SCAPER: variants seen among roughly 807,000 people sequenced by gnomAD.
SCAPER encodes S phase cyclin A-associated protein in the endoplasmic reticulum.
SCAPER carries 98 observed loss-of-function variants against 182.2 expected under a neutral mutation model. That is an observed-to-expected ratio of 0.54 (90% CI 0.46 to 0.64). SCAPER has a LOEUF of 0.64. Among genes scored for constraint, SCAPER ranks in the 30% least tolerant of loss-of-function variants. The pLI, the probability that SCAPER is intolerant of heterozygous loss-of-function variation, is 0.00. For missense variants in SCAPER, 1,432 were observed against 1,690.0 expected, an observed-to-expected ratio of 0.85 and a Z score of 2.68; for synonymous variants, 605 against 564.6, an observed-to-expected ratio of 1.07 and a Z score of -1.01.
intron 17 of SCAPER, among the ~76,000 whole-genome samples, chr15:76,711,293 AG>A (rs934311883): frequency 3.4e-4 from 52 of 152,312 alleles, no homozygotes; most frequent in African/African-American, 1.2e-3. Flanking sequence ...CACTTCACAA[AG>A]AATGTATATC....
intron 29 of SCAPER, among the ~76,000 whole-genome samples, chr15:76,375,279 T>C (rs2042475606): frequency 6.6e-6 from 1 of 151,812 alleles, no homozygotes; most frequent in African/African-American, 2.4e-5. Flanking sequence ...ATCTTTTTTT[T>C]TTTTAAATCT....
intron 14 of SCAPER, among the ~76,000 whole-genome samples, chr15:76,763,158 A>G (rs1323518640): frequency 6.6e-6 from 1 of 152,178 alleles, no homozygotes; most frequent in Non-Finnish European, 1.5e-5. Flanking sequence ...AGTGATGACA[A>G]ACTCCCTCAA....
At chr15:76,377,911 AACTC>A (rs1356974083) in intron 28 of SCAPER, among the ~76,000 whole-genome samples, 2 of 152,200 alleles carry the variant, frequency 1.3e-5, no homozygotes, top group Non-Finnish European at 2.9e-5. Context: ...TCTTTTCAGA[AACTC>A]AGTCAGTTCA....
At chr15:76,751,970 A>G (rs2062111882) in intron 15 of SCAPER, among the ~76,000 whole-genome samples, 1 of 151,792 alleles carries the variant, frequency 6.6e-6, no homozygotes, top group South Asian at 2.1e-4. Flanking sequence ...AAACGTTTGC[A>G]AATCATATCT....
At chr15:76,744,788 A>G (rs2061710243) in intron 15 of SCAPER, among the ~76,000 whole-genome samples, 1 of 152,182 alleles carries the variant, frequency 6.6e-6, no homozygotes, top group African/African-American at 2.4e-5. Context: ...CTGGGGATAT[A>G]CCCATTGGAA....
At chr15:76,648,290 G>T (rs1191269769) in intron 21 of SCAPER, among the ~76,000 whole-genome samples, 1 of 151,530 alleles carries the variant, frequency 6.6e-6, no homozygotes, top group Non-Finnish European at 1.5e-5. Flanking sequence ...AAACGTCACT[G>T]GATGATTTTA....
chr15:76,818,281 T>G (rs895354027), intron 5 of SCAPER, among the ~76,000 whole-genome samples: 1 of 152,096 alleles, frequency 6.6e-6, no homozygotes, highest in Admixed American at 6.6e-5. Context: ...ACTTATAATC[T>G]TCACAAAAAT....
intron 5 of SCAPER, among the ~76,000 whole-genome samples, chr15:76,814,385 C>T (rs934418541): frequency 3.3e-5 from 5 of 152,120 alleles, no homozygotes. Context: ...GTAATCTAAA[C>T]TGTAATGACA....
At position 76,763,742 on chromosome 15, in the gene SCAPER, C is replaced by T. The variant is rs548573102; in HGVS notation, c.1725+1219G>A. On this transcript the variant is annotated intron_variant, in intron 14 of 31. Coordinates refer to ENST00000563290, the MANE Select transcript of SCAPER (RefSeq NM_020843.4). ...TTCTTCTGCTTCACTGAGTCTGTTGCTGAAGCTCTCTACTGCATTTTCTAG... is the reference window on the plus strand; with the variant it reads ...TTCTTCTGCTTCACTGAGTCTGTTGTTGAAGCTCTCTACTGCATTTTCTAG... 1.0e-3 allele frequency among the ~76,000 whole-genome samples: 155 copies of T among 152,246 alleles called. 4 individuals carry two copies. In the South Asian group the frequency reaches 0.031, roughly 31 times the overall value.
intron 20 of SCAPER, among the ~76,000 whole-genome samples, chr15:76,697,078 T>A (rs566259857): frequency 2.8e-4 from 42 of 152,082 alleles, no homozygotes; most frequent in Non-Finnish European, 5.4e-4. Context: ...AGGTCAGAGG[T>A]AATATAAATA....
intron 25 of SCAPER, among the ~76,000 whole-genome samples, chr15:76,467,407 T>C (rs534371555): frequency 6.7e-6 from 1 of 149,780 alleles, no homozygotes; most frequent in South Asian, 2.1e-4. Context: ...CTCTTCTCTC[T>C]CCCTCCCAGA....
At chr15:76,840,846 T>A (rs1163290354) in intron 5 of SCAPER, among the ~76,000 whole-genome samples, 2 of 152,212 alleles carry the variant, frequency 1.3e-5, no homozygotes, top group African/African-American at 4.8e-5. Context: ...TGTGTCTGTT[T>A]AATATCCTAC....
chr15:76,723,457 C>G, intron 17 of SCAPER, among the ~76,000 whole-genome samples: 1 of 152,104 alleles, frequency 6.6e-6, no homozygotes, highest in East Asian at 1.9e-4. Flanking sequence ...CTGCTTGGTG[C>G]AGAGCTGAGT....
intron 29 of SCAPER, among the ~76,000 whole-genome samples, chr15:76,370,996 G>A (rs1210787591): frequency 1.3e-5 from 2 of 152,200 alleles, no homozygotes; most frequent in Non-Finnish European, 2.9e-5. Context: ...GCACTTCAGT[G>A]ATCGCTAGCA....
At chr15:76,589,509 C>A (rs1195949263) in intron 22 of SCAPER, among the ~76,000 whole-genome samples, 1 of 152,086 alleles carries the variant, frequency 6.6e-6, no homozygotes, top group Non-Finnish European at 1.5e-5. Context: ...CCATGCAACC[C>A]AAAAGGCTGG....
At chr15:76,862,580 A>AAT in intron 2 of SCAPER, 47 bp from the exon 3 acceptor site, 1 of 1,180,258 alleles carries the variant, frequency 8.5e-7, no homozygotes, top group Non-Finnish European at 1.2e-6. Flanking sequence ...GATAAGTCAA[A>AAT]ATATATATTT....
chr15:76,372,005 A>T (rs1452931688), intron 29 of SCAPER, among the ~76,000 whole-genome samples: 5 of 151,426 alleles, frequency 3.3e-5, no homozygotes, highest in Non-Finnish European at 2.9e-5. Flanking sequence ...TATCTTTTCT[A>T]TCAGCTTCTT....
Position 76,376,275 on chromosome 15 carries a change from G to A in SCAPER, c.3742C>T (p.Arg1248Trp), listed in dbSNP as rs767697314. ...CCCAGCAGGGAGCTGGCCATGTGCC[G>A]GAATGCAAGGGACAAGCCCTCTGCC... ...VGAEGLSLAFRHMASSLLGHC... is the reference protein window; with the variant it reads ...VGAEGLSLAFWHMASSLLGHC... The change falls in exon 29 of 32, where the codon CGG (arginine) becomes TGG (tryptophan). Residue 1248 changes from arginine to tryptophan, a missense_variant. Arg to Trp is a moderately radical substitution (Grantham distance 101). Coordinates refer to ENST00000563290, the MANE Select transcript of SCAPER (RefSeq NM_020843.4). 2 of 1,613,634 alleles carry A rather than the reference G, an allele frequency of 1.2e-6. No individual in the cohort carries two copies. Among genetic ancestry groups the A allele is most frequent in the African/African-American group, 1.3e-5 (1 of 75,022 alleles).
At chr15:76,806,811 T>C (rs1290372768) in intron 5 of SCAPER, among the ~76,000 whole-genome samples, 1 of 152,228 alleles carries the variant, frequency 6.6e-6, no homozygotes, top group East Asian at 1.9e-4. Context: ...TATTTTATTG[T>C]TTTTGATGTT....
Sources: allele counts gnomAD v4.1 joint callset (sites outside exome capture counted in the v4.1 genomes callset), GRCh38; gene constraint gnomAD v4.1.1; transcripts MANE v1.5; gene names NCBI Gene and HGNC (gene_info 2026-07-23, HGNC 2026-07-21).